VPS13D: variants seen among roughly 807,000 people sequenced by gnomAD.
VPS13D encodes the protein vacuolar protein sorting 13 homolog D, also known as intermembrane lipid transfer protein VPS13D.
In VPS13D, 187 loss-of-function variants were observed where a neutral mutation model predicts 461.9. The observed-to-expected ratio is 0.40, with a 90% CI of 0.36 to 0.46. The LOEUF (loss-of-function observed/expected upper bound fraction) is 0.46. Among genes scored for constraint, VPS13D ranks in the 20% least tolerant of loss-of-function variants. The probability of loss-of-function intolerance (pLI) is 0.60; values close to 1 mark genes in which losing one functional copy is unlikely to be tolerated. For missense variants in VPS13D, 4,711 were observed against 5,364.9 expected, an observed-to-expected ratio of 0.88 and a Z score of 3.81; for synonymous variants, 1,951 against 1,986.3, an observed-to-expected ratio of 0.98 and a Z score of 0.47.
chr1:12,408,041 T>C (rs1472829831), intron 63 of VPS13D, among the ~76,000 whole-genome samples: 1 of 152,174 alleles, frequency 6.6e-6, no homozygotes, highest in African/African-American at 2.4e-5. Context: ...GCAGTTGAGC[T>C]TACTGAACGT....
chr1:12,379,594 C>T lies in VPS13D; in HGVS notation c.11188C>T (p.Gln3730Ter). The T allele has an allele frequency of 1.2e-6, 2 of 1,612,230 alleles. No homozygotes were observed. Among genetic ancestry groups the T allele is most frequent in the Non-Finnish European group, 1.7e-6 (2 of 1,179,126 alleles). Residue 3730 changes from glutamine (Q) to a stop codon, truncating the protein, a stop_gained and splice_region_variant, in exon 57 of 70, where the codon CAG becomes TAG. Coordinates refer to ENST00000620676, the MANE Select transcript of VPS13D (RefSeq NM_015378.4). LOFTEE classifies it high-confidence loss of function. ...CTGTGGGTTACATGGGTTGGTCGTC[C>T]AGGTCAGTCGTTTTTGATCCCCAAT... ...LTCGLHGLVV[Q>*]AKGGLSGLFD...
chr1:12,509,135 T>C lies in VPS13D; in HGVS notation c.*111T>C. ...AGAACCGGAGTCGGGTTTGGGGAAG[T>C]TGTCAAGGAATGAGGGAAAGTAAAT... On this transcript the variant is annotated 3_prime_UTR_variant, in exon 70 of 70. Transcript: ENST00000620676. 4 of 1,377,326 alleles carry C rather than the reference T, an allele frequency of 2.9e-6. No homozygotes were observed. Among genetic ancestry groups the C allele is most frequent in the South Asian group, 3.4e-5 (2 of 59,180 alleles). The allele number at this position is 1,377,326 out of a possible 1,614,324, so 85.3% of individuals were successfully genotyped here. A position where few individuals can be genotyped will look rare whatever the true frequency, so the allele number is the denominator to read the frequency against.
rs1293450881 is a variant in VPS13D at position 12,369,538 on chromosome 1, A to G, written c.10644A>G (p.Ser3548=). 4.3e-6 allele frequency: 7 copies of G among 1,614,170 alleles called. No homozygotes were observed. Among genetic ancestry groups the G allele is most frequent in the Non-Finnish European group, 5.9e-6 (7 of 1,180,038 alleles). The change falls in exon 54 of 70, where the codon TCA becomes TCG. Residue 3548 remains serine, a synonymous_variant. Transcript: ENST00000620676. ...RLRTEVKPMT[S]LDYAWDEPTL... ...GGACTGAAGTGAAGCCCATGACTTC[A>G]TTGGATTATGCCTGGGACGAACCCA...
At position 12,247,084 on chromosome 1, in the gene VPS13D, A is replaced by G. The variant is rs911520476; in HGVS notation, c.448-2139A>G. 4.6e-5 allele frequency among the ~76,000 whole-genome samples: 7 copies of G among 152,206 alleles called. 1 individual carries two copies. Among genetic ancestry groups the G allele is most frequent in the Admixed American group, 1.3e-4 (2 of 15,278 alleles). ...TCCAAAGAGGCTGCACTATTTTACG[A>G]TATCACCAGCAATGTATGAGCATTT... On this transcript the variant is annotated intron_variant, in intron 5 of 69. Transcript: ENST00000620676.
chr1:12,322,227 G>A (rs916925350), intron 33 of VPS13D, among the ~76,000 whole-genome samples: 3 of 152,120 alleles, frequency 2.0e-5, no homozygotes, highest in African/African-American at 4.8e-5. Flanking sequence ...CACCGTGCCC[G>A]GCTAATTTTT....
Position 12,390,507 on chromosome 1 carries a change from A to G in VPS13D, c.11634+4173A>G, listed in dbSNP as rs556557499. Among the ~76,000 whole-genome samples the G allele has an allele frequency of 2.5e-4, 38 of 152,346 alleles. No individual in the cohort carries two copies. The East Asian group carries it at 3.1e-3, about 12-fold the overall frequency. On this transcript the variant is annotated intron_variant, in intron 60 of 69. Coordinates refer to ENST00000620676, the MANE Select transcript of VPS13D (RefSeq NM_015378.4). ...CAGAGGCAATGCTGTGTGGAATACC[A>G]TGACAGTGGATAAGGCATTCCATGA...
At position 12,317,900 on chromosome 1, in the gene VPS13D, T is replaced by C. The variant is rs369182777; in HGVS notation, c.7149-172T>C. On this transcript the variant is annotated intron_variant, in intron 30 of 69. Coordinates refer to ENST00000620676, the MANE Select transcript of VPS13D (RefSeq NM_015378.4). ...TATACTGAATGTGTTATTAAACCAG[T>C]AATACACTGAATGTGTTATTCAACC... Among the ~76,000 whole-genome samples the C allele has an allele frequency of 2.6e-4, 39 of 152,330 alleles. 3 individuals are homozygous for C. The highest frequency in any genetic ancestry group is 2.0e-3 in the Admixed American group (31 of 15,298).
intron 51 of VPS13D, 31 bp downstream of exon 51, chr1:12,362,881 G>A (rs1643971458): frequency 6.2e-7 from 1 of 1,613,430 alleles, no homozygotes; most frequent in Non-Finnish European, 8.5e-7. Context: ...GGATGAGAGT[G>A]CCTATTTAAT....
chr1:12,322,446 G>T, intron 33 of VPS13D, 90 bp from the exon 34 acceptor site: 1 of 1,301,634 alleles, frequency 7.7e-7, no homozygotes. Flanking sequence ...TGGACTTTTA[G>T]AAGTTGAAAT....
intron 52 of VPS13D, among the ~76,000 whole-genome samples, chr1:12,364,711 A>C (rs956410171): frequency 1.3e-5 from 2 of 152,242 alleles, no homozygotes; most frequent in African/African-American, 4.8e-5. Context: ...ATGAGGTGGT[A>C]TCGCACTGTG....
At position 12,304,508 on chromosome 1, in the gene VPS13D, A is replaced by G. The variant is rs1361783271; in HGVS notation, c.6219A>G (p.Glu2073=). The G allele has an allele frequency of 6.2e-7, 1 of 1,612,966 alleles. No individual in the cohort carries two copies. Among genetic ancestry groups the G allele is most frequent in the South Asian group, 1.1e-5 (1 of 90,914 alleles). Reference sequence around the variant, plus strand: ...AGTTTTATTTTGTTCCTTCCCAGGAATCTGTGCCTTCAGCTTCCCCAACGG... The same window carrying G: ...AGTTTTATTTTGTTCCTTCCCAGGAGTCTGTGCCTTCAGCTTCCCCAACGG... ...FPGTFSLQDK[E]SVPSASPTGI... is the part of the protein sequence containing the mutation. The change falls in exon 26 of 70, where the codon GAA becomes GAG. Residue 2073 remains glutamate (E), a splice_region_variant and synonymous_variant. Transcript: ENST00000620676.
chr1:12,342,021 G>A (rs1028446140), intron 41 of VPS13D, 136 bp downstream of exon 41: 41 of 708,130 alleles, frequency 5.8e-5, no homozygotes, highest in Non-Finnish European at 9.1e-5. Flanking sequence ...GTCTTGCTGA[G>A]ATTTATGATG....
At chr1:12,436,221 G>A (rs1645058864) in intron 65 of VPS13D, among the ~76,000 whole-genome samples, 1 of 152,228 alleles carries the variant, frequency 6.6e-6, no homozygotes, top group Non-Finnish European at 1.5e-5. Context: ...GTGTCTGTGG[G>A]GGTTCCTGTA....
intron 21 of VPS13D, among the ~76,000 whole-genome samples, chr1:12,287,729 C>G (rs1642014294): frequency 6.6e-6 from 1 of 152,026 alleles, no homozygotes; most frequent in Non-Finnish European, 1.5e-5. Flanking sequence ...GTAGTTGTCC[C>G]TAGGAAAGAA....
chr1:12,267,366 G>T (rs1172929965), intron 14 of VPS13D, among the ~76,000 whole-genome samples: 1 of 151,852 alleles, frequency 6.6e-6, no homozygotes, highest in Non-Finnish European at 1.5e-5. Flanking sequence ...GTCTCGCCAG[G>T]GTCCCAAAAC....
intron 3 of VPS13D, 47 bp from the exon 4 acceptor site, chr1:12,244,199 T>C (rs772882905): frequency 1.3e-6 from 2 of 1,539,372 alleles, no homozygotes; most frequent in African/African-American, 1.4e-5. Flanking sequence ...ATGGAAAGAA[T>C]TAAAAATGTG....
intron 40 of VPS13D, among the ~76,000 whole-genome samples, chr1:12,339,987 G>C (rs1301084556): frequency 6.6e-6 from 1 of 152,122 alleles, no homozygotes; most frequent in Non-Finnish European, 1.5e-5. Context: ...AGCACATCTG[G>C]CTTCTTTTTC....
In VPS13D at chr1:12,509,078, A is replaced by G. The variant is rs577167219; in HGVS notation, c.*54A>G. On this transcript the variant is annotated 3_prime_UTR_variant, in exon 70 of 70. Coordinates refer to ENST00000620676, the MANE Select transcript of VPS13D (RefSeq NM_015378.4). The stretch of plus-strand genomic sequence containing the variant: ...ACACAGCGCAGACCCACCAGGAGGA[A>G]AGAGGCCCAGCTCTCAGCTGACGAT... The G allele has an allele frequency of 2.5e-6, 4 of 1,585,794 alleles. No homozygotes were observed. Among genetic ancestry groups the G allele is most frequent in the African/African-American group, 2.7e-5 (2 of 73,930 alleles).
chr1:12,292,435 CTTTTTTT>C, intron 23 of VPS13D, among the ~76,000 whole-genome samples: 1 of 96,918 alleles, frequency 1.0e-5, no homozygotes, highest in African/African-American at 4.2e-5. Context: ...TGCTCAGTCT[CTTTTTTT>C]TTTTTTTTTT....
Sources: allele counts gnomAD v4.1 joint callset (sites outside exome capture counted in the v4.1 genomes callset), GRCh38; gene constraint gnomAD v4.1.1; transcripts MANE v1.5; gene names NCBI Gene and HGNC (gene_info 2026-07-23, HGNC 2026-07-21).